Variants in CENPW observed in about 807,000 individuals in gnomAD.
The protein encoded by CENPW is centromere protein W, also known as cancer-up-regulated gene 2 protein.
Under a neutral mutation model 11.1 loss-of-function variants are expected in CENPW, and 3 were observed. The observed-to-expected ratio is 0.27, with a 90% confidence interval of 0.12 to 0.70. CENPW has a LOEUF of 0.70. CENPW is among the 30% of genes least tolerant of loss of function. CENPW has a pLI of 0.77. For synonymous variants in CENPW, 38 were observed against 42.0 expected (o/e 0.91, Z 0.37); for missense variants, 100 against 105.6 (o/e 0.95, Z 0.23).
the CENPW span, among the ~76,000 whole-genome samples, chr6:126,442,689 C>T: frequency 6.6e-6 from 1 of 151,180 alleles, no homozygotes; most frequent in Non-Finnish European, 1.5e-5. Flanking sequence ...TTGATATGAC[C>T]ATTTCTGAGA....
At chr6:126,417,442 A>C in the CENPW span, among the ~76,000 whole-genome samples, 1 of 152,134 alleles carries the variant, frequency 6.6e-6, no homozygotes, top group African/African-American at 2.4e-5. Flanking sequence ...AGGACATGAG[A>C]TTTGGGAGGG....
chr6:126,373,396 C>T, the CENPW span, among the ~76,000 whole-genome samples: 56 of 152,206 alleles, frequency 3.7e-4, no homozygotes, highest in Middle Eastern at 3.4e-3. Flanking sequence ...GATGTTAAGC[C>T]CTTCTTCGAG....
chr6:126,470,159 C>T, the CENPW span, among the ~76,000 whole-genome samples: 1 of 152,360 alleles, frequency 6.6e-6, no homozygotes, highest in Admixed American at 6.5e-5. Flanking sequence ...CCTCCCATCA[C>T]AGGCCTGGAG....
chr6:126,468,245 A>G, the CENPW span, among the ~76,000 whole-genome samples: 1 of 151,586 alleles, frequency 6.6e-6, no homozygotes, highest in Admixed American at 6.6e-5. Flanking sequence ...ACATGGAGAA[A>G]CCCCATCTCT....
chr6:126,432,128 G>A, the CENPW span, among the ~76,000 whole-genome samples: 1 of 146,066 alleles, frequency 6.8e-6, no homozygotes, highest in Non-Finnish European at 1.5e-5. Flanking sequence ...TTCATCTCCT[G>A]TTTTGAGACT....
At chr6:126,344,770 A>G (rs1583954369) in intron 1 of CENPW, among the ~76,000 whole-genome samples, 2 of 152,334 alleles carry the variant, frequency 1.3e-5, no homozygotes, top group Non-Finnish European at 1.5e-5. Flanking sequence ...TTAAACACCT[A>G]TATAACAATC....
At chr6:126,353,292 G>T, downstream of CENPW, among the ~76,000 whole-genome samples, 1 of 147,840 alleles carries the variant, frequency 6.8e-6, no homozygotes, top group Admixed American at 6.7e-5. Flanking sequence ...TTTCTTGGTA[G>T]TACATTTCCT....
the CENPW span, among the ~76,000 whole-genome samples, chr6:126,431,881 A>G: frequency 6.6e-6 from 1 of 151,882 alleles, no homozygotes; most frequent in South Asian, 2.1e-4. Context: ...CCTGGCCAAC[A>G]TAGTGAAACC....
the CENPW span, among the ~76,000 whole-genome samples, chr6:126,437,785 A>G: frequency 5.9e-5 from 9 of 151,640 alleles, no homozygotes; most frequent in Non-Finnish European, 3.0e-5. Context: ...TGAAATGCAC[A>G]TTTTCTAGTG....
chr6:126,400,442 C>A, the CENPW span, among the ~76,000 whole-genome samples: 3 of 151,938 alleles, frequency 2.0e-5, no homozygotes, highest in Non-Finnish European at 2.9e-5. Flanking sequence ...TTATTTTACA[C>A]CTGGGATATC....
At chr6:126,402,400 A>G in the CENPW span, among the ~76,000 whole-genome samples, 1 of 151,882 alleles carries the variant, frequency 6.6e-6, no homozygotes, top group Middle Eastern at 3.4e-3. Flanking sequence ...TAATTCACAT[A>G]ACATCCAATT....
chr6:126,407,624 A>T, the CENPW span, among the ~76,000 whole-genome samples: 1 of 152,150 alleles, frequency 6.6e-6, no homozygotes, highest in Non-Finnish European at 1.5e-5. Context: ...AATAATTGCC[A>T]TTCTGACTGC....
chr6:126,362,675 T>C, the CENPW span, among the ~76,000 whole-genome samples: 1 of 152,352 alleles, frequency 6.6e-6, no homozygotes, highest in South Asian at 2.1e-4. Context: ...ATTTTGCTTA[T>C]ATAAGAGCCC....
chr6:126,394,628 T>A, the CENPW span, among the ~76,000 whole-genome samples: 1 of 152,124 alleles, frequency 6.6e-6, no homozygotes, highest in African/African-American at 2.4e-5. Flanking sequence ...TACCAGTGAG[T>A]TTTGTACCTT....
At chr6:126,448,921 T>C in the CENPW span, among the ~76,000 whole-genome samples, 1 of 151,144 alleles carries the variant, frequency 6.6e-6, no homozygotes, top group Non-Finnish European at 1.5e-5. Context: ...AACTAAATAT[T>C]CAAACTGAAT....
At chr6:126,434,645 T>C in the CENPW span, among the ~76,000 whole-genome samples, 1 of 152,000 alleles carries the variant, frequency 6.6e-6, no homozygotes, top group Non-Finnish European at 1.5e-5. Flanking sequence ...CTGCCCCAGT[T>C]AAAGTGAATA....
chr6:126,383,510 A>C, the CENPW span, among the ~76,000 whole-genome samples: 1 of 152,106 alleles, frequency 6.6e-6, no homozygotes, highest in Non-Finnish European at 1.5e-5. Context: ...ACCCAATGGG[A>C]TGCTGTCTTT....
the CENPW span, among the ~76,000 whole-genome samples, chr6:126,465,178 C>T: frequency 6.6e-6 from 1 of 151,748 alleles, no homozygotes; most frequent in Non-Finnish European, 1.5e-5. Flanking sequence ...AGTCAATATA[C>T]AAAAATCAAT....
At chr6:126,458,962 C>T in the CENPW span, among the ~76,000 whole-genome samples, 2 of 151,328 alleles carry the variant, frequency 1.3e-5, no homozygotes, top group Non-Finnish European at 1.5e-5. Flanking sequence ...TCTTCATGGA[C>T]CAGTAAAACT....
Sources: allele counts gnomAD v4.1 joint callset (sites outside exome capture counted in the v4.1 genomes callset), GRCh38; gene constraint gnomAD v4.1.1; transcripts MANE v1.5; gene names NCBI Gene and HGNC (gene_info 2026-07-23, HGNC 2026-07-21).